Variants in B3GAT2 observed in about 807,000 individuals in gnomAD.
B3GAT2 encodes the protein galactosylgalactosylxylosylprotein 3-beta-glucuronosyltransferase 2.
A neutral mutation model predicts 27.8 loss-of-function variants in B3GAT2; 26 were observed. That is an observed-to-expected ratio of 0.93 (90% confidence interval 0.68 to 1.30). The LOEUF is 1.30. Among genes scored for constraint, B3GAT2 ranks in the 50% most tolerant of loss-of-function variants. The pLI is 0.00. For synonymous variants in B3GAT2, 218 were observed against 195.1 expected (o/e 1.12, Z -0.98); for missense variants, 458 against 459.0 (o/e 1.00, Z 0.02).
intron 1 of B3GAT2, among the ~76,000 whole-genome samples, chr6:70,940,031 C>T (rs1426521851): frequency 6.6e-6 from 1 of 152,020 alleles, no homozygotes; most frequent in East Asian, 1.9e-4. Context: ...CTGGGTCTGG[C>T]CACAATTCTT....
At chr6:70,939,369 C>T (rs141300743) in intron 1 of B3GAT2, among the ~76,000 whole-genome samples, 9,281 of 148,472 alleles carry the variant, frequency 0.063, 400 homozygotes, top group African/African-American at 0.13. Context: ...ACTAGAAATA[C>T]CATTTGATCC....
rs2150055524 is a variant in B3GAT2, at chr6:70,956,665, C to T, written c.-236G>A. The stretch of plus-strand genomic sequence containing the variant: ...GGTGCAGGCGGGCGGGCAGGGGCTG[C>T]CCCCGACTCCAGGTGAGCTGGCGGG... On this transcript the variant is annotated 5_prime_UTR_variant, in exon 1 of 4. Transcript: ENST00000230053. 1.5e-6 allele frequency: 2 copies of T among 1,377,746 alleles called. No individual in the cohort carries two copies. The highest frequency in any genetic ancestry group is 1.6e-5 in the South Asian group (1 of 63,986). The allele number at this position is 1,377,746 out of a possible 1,614,324, so 85.3% of individuals were successfully genotyped here.
At chr6:70,918,542 C>A (rs904742786) in intron 1 of B3GAT2, among the ~76,000 whole-genome samples, 4 of 152,160 alleles carry the variant, frequency 2.6e-5, no homozygotes, top group Non-Finnish European at 4.4e-5. Context: ...CCGGTTGTTC[C>A]TTTCCATGTT....
At chr6:70,895,857 G>T in intron 1 of B3GAT2, among the ~76,000 whole-genome samples, 1 of 150,686 alleles carries the variant, frequency 6.6e-6, no homozygotes. Context: ...AACAAGCTGA[G>T]GTATAAGTGA....
intron 2 of B3GAT2, among the ~76,000 whole-genome samples, chr6:70,877,940 C>T (rs1396029591): frequency 6.6e-6 from 1 of 152,174 alleles, no homozygotes; most frequent in African/African-American, 2.4e-5. Context: ...GCTTCTCCAG[C>T]CCTGCTGTCA....
At chr6:70,886,863 C>T (rs1772196232) in intron 2 of B3GAT2, among the ~76,000 whole-genome samples, 1 of 152,154 alleles carries the variant, frequency 6.6e-6, no homozygotes, top group Non-Finnish European at 1.5e-5. Flanking sequence ...CAACACTCTG[C>T]CACCTGTCCC....
At chr6:70,916,372 T>A in intron 1 of B3GAT2, among the ~76,000 whole-genome samples, 1 of 152,230 alleles carries the variant, frequency 6.6e-6, no homozygotes. Flanking sequence ...CCTCTTTTCC[T>A]AATTGAATAC....
Position 70,860,563 on chromosome 6 carries a change from T to G in B3GAT2, c.*1100A>C, listed in dbSNP as rs1771674563. ...GCAGCTTTGCTCATATTTCCCATGA[T>G]TTCATGTACTGCATTATTTGAGAAG... On this transcript the variant is annotated 3_prime_UTR_variant, in exon 4 of 4. Transcript: ENST00000230053. 1 of 456,674 alleles carries G rather than the reference T, an allele frequency of 2.2e-6. No homozygotes were observed. Among genetic ancestry groups the G allele is most frequent in the Non-Finnish European group, 3.8e-6 (1 of 265,610 alleles). 28.3% of individuals were successfully genotyped at this position (456,674 alleles called of 1,614,324 possible). A position where few individuals can be genotyped will look rare whatever the true frequency, so the allele number is the denominator to read the frequency against.
Position 70,955,850 on chromosome 6 carries a change from G to A in B3GAT2, c.580C>T (p.Leu194Phe). ...ADDDNTYSLE[L>F]FQEMRTTRKV... ...AGGCTGGCCTTTACCTCCTGGAAGA[G>A]CTCCAGACTATAGGTGTTGTCGTCG... is the stretch of plus-strand genomic sequence containing the variant. Residue 194 changes from leucine to phenylalanine, a missense_variant, in exon 1 of 4, where the codon CTC (leucine) becomes TTC (phenylalanine). Leu to Phe is a conservative substitution (Grantham distance 22). Coordinates refer to ENST00000230053, the MANE Select transcript of B3GAT2 (RefSeq NM_080742.3). 6.3e-7 allele frequency: 1 copy of A among 1,598,384 alleles called. No individual in the cohort carries two copies. The highest frequency in any genetic ancestry group is 8.5e-7 in the Non-Finnish European group (1 of 1,173,530).
At chr6:70,925,374 G>C (rs1772936941) in intron 1 of B3GAT2, among the ~76,000 whole-genome samples, 1 of 152,214 alleles carries the variant, frequency 6.6e-6, no homozygotes, top group Non-Finnish European at 1.5e-5. Flanking sequence ...AGCACAAGGG[G>C]TCAGGGAATT....
At chr6:70,908,959 C>T (rs1249988421) in intron 1 of B3GAT2, among the ~76,000 whole-genome samples, 1 of 152,018 alleles carries the variant, frequency 6.6e-6, no homozygotes, top group African/African-American at 2.4e-5. Flanking sequence ...TAGACACTTC[C>T]CAAATTTGAA....
chr6:70,860,479 C>A lies in B3GAT2; in HGVS notation c.*1184G>T. 1 of 921,708 alleles carries A rather than the reference C, an allele frequency of 1.1e-6. No individual in the cohort carries two copies. Among genetic ancestry groups the A allele is most frequent in the Non-Finnish European group, 1.5e-6 (1 of 653,452 alleles). 57.1% of individuals were successfully genotyped at this position (921,708 alleles called of 1,614,324 possible). Reference sequence around the variant, plus strand: ...GAATGATCTGATTGACCGTGTTGGTCTGTACTGATTCAATTTGATGTGGTG... The same window carrying A: ...GAATGATCTGATTGACCGTGTTGGTATGTACTGATTCAATTTGATGTGGTG... On this transcript the variant is annotated 3_prime_UTR_variant, in exon 4 of 4. Coordinates refer to ENST00000230053, the MANE Select transcript of B3GAT2 (RefSeq NM_080742.3).
Position 70,860,968 on chromosome 6 carries a change from C to A in B3GAT2, c.*695G>T. On this transcript the variant is annotated 3_prime_UTR_variant, in exon 4 of 4. Transcript: ENST00000230053. ...TATCTGCCTCTCTTGTAATTTGGAT[C>A]TCTTCTTAATGTACATAGTGCTAAC... The A allele has an allele frequency of 2.9e-6, 1 of 344,406 alleles. No individual in the cohort carries two copies. Among genetic ancestry groups the A allele is most frequent in the Non-Finnish European group, 5.2e-6 (1 of 191,452 alleles). 21.3% of individuals were successfully genotyped at this position (344,406 alleles called of 1,614,324 possible). A position where few individuals can be genotyped will look rare whatever the true frequency, so the allele number is the denominator to read the frequency against.
chr6:70,947,944 G>A (rs1422150160), intron 1 of B3GAT2, among the ~76,000 whole-genome samples: 1 of 151,752 alleles, frequency 6.6e-6, no homozygotes, highest in African/African-American at 2.4e-5. Flanking sequence ...ATCAATAAAT[G>A]TAATCCAGCA....
chr6:70,860,111 A>AATG lies in B3GAT2; in HGVS notation c.*1549_*1551dup. The AATG allele has an allele frequency of 1.4e-6, 2 of 1,424,776 alleles. No homozygotes were observed. The highest frequency in any genetic ancestry group is 1.9e-6 in the Non-Finnish European group (2 of 1,066,230). 88.3% of individuals were successfully genotyped at this position (1,424,776 alleles called of 1,614,324 possible). On this transcript the variant is annotated 3_prime_UTR_variant, in exon 4 of 4. Coordinates refer to ENST00000230053, the MANE Select transcript of B3GAT2 (RefSeq NM_080742.3). ...CAGTGCTTGGACTAGTTGTCACATT[A>AATG]ATGAAAAAATGACCAACTGTGTGGC... is the stretch of plus-strand genomic sequence containing the variant.
chr6:70,911,098 T>C (rs1292680584), intron 1 of B3GAT2, among the ~76,000 whole-genome samples: 2 of 152,230 alleles, frequency 1.3e-5, no homozygotes, highest in African/African-American at 4.8e-5. Flanking sequence ...TTACAAATAC[T>C]TTCTCCCATT....
chr6:70,883,119 T>C (rs1157279872), intron 2 of B3GAT2, among the ~76,000 whole-genome samples: 1 of 152,206 alleles, frequency 6.6e-6, no homozygotes, highest in African/African-American at 2.4e-5. Flanking sequence ...CCTTCCTGCA[T>C]TGCTGTGGAG....
At chr6:70,875,784 C>T (rs1772005125) in intron 2 of B3GAT2, among the ~76,000 whole-genome samples, 1 of 152,142 alleles carries the variant, frequency 6.6e-6, no homozygotes, top group African/African-American at 2.4e-5. Context: ...AGGTATTTAG[C>T]AGTCATTATT....
chr6:70,889,322 CCCCT>C (rs1276123961), intron 2 of B3GAT2, among the ~76,000 whole-genome samples: 43 of 152,202 alleles, frequency 2.8e-4, no homozygotes, highest in African/African-American at 1.0e-3. Flanking sequence ...AGCTGTTATA[CCCCT>C]TGAAACTGCC....
Sources: allele counts gnomAD v4.1 joint callset (sites outside exome capture counted in the v4.1 genomes callset), GRCh38; gene constraint gnomAD v4.1.1; transcripts MANE v1.5; gene names NCBI Gene and HGNC (gene_info 2026-07-23, HGNC 2026-07-21).